The following PTPRM variants were observed in gnomAD, a reference collection of about 807,000 sequenced individuals.
PTPRM encodes receptor-type tyrosine-protein phosphatase mu.
A neutral mutation model predicts 186.7 loss-of-function variants in PTPRM; 47 were observed. The ratio of observed to expected loss-of-function variants is 0.25; its 90% CI spans 0.20 to 0.32. PTPRM has a LOEUF of 0.32. Among genes scored for constraint, PTPRM ranks in the 10% least tolerant of loss-of-function variants. PTPRM has a pLI of 1.00. For missense variants in PTPRM, 1,494 were observed against 1,865.0 expected (o/e 0.80, Z 3.66); for synonymous variants, 668 against 674.9 (o/e 0.99, Z 0.16).
At chr18:8,099,395 C>G (rs1410897777) in intron 11 of PTPRM, among the ~76,000 whole-genome samples, 3 of 152,186 alleles carry the variant, frequency 2.0e-5, no homozygotes, top group Non-Finnish European at 4.4e-5. Flanking sequence ...AATCCTGGTT[C>G]TATGCCAGAC....
At chr18:7,738,515 A>G (rs1271640409) in intron 1 of PTPRM, among the ~76,000 whole-genome samples, 1 of 151,696 alleles carries the variant, frequency 6.6e-6, no homozygotes, top group Admixed American at 6.6e-5. Context: ...AGCTCACTGC[A>G]AGCTCCGCCT....
chr18:7,927,198 A>G (rs149494706), intron 5 of PTPRM, among the ~76,000 whole-genome samples: 8 of 152,292 alleles, frequency 5.3e-5, no homozygotes, highest in African/African-American at 1.9e-4. Flanking sequence ...GTAATTATTC[A>G]AATTCCACCA....
At chr18:7,955,087 C>A in intron 6 of PTPRM, 34 bp from the exon 7 acceptor site, 1 of 1,548,250 alleles carries the variant, frequency 6.5e-7, no homozygotes, top group Non-Finnish European at 8.8e-7. Flanking sequence ...GAAGACAAAG[C>A]ATCTGAAAGA....
chr18:8,294,038 G>T (rs2155754), intron 19 of PTPRM, among the ~76,000 whole-genome samples: 2,563 of 152,230 alleles, frequency 0.017, 61 homozygotes, highest in African/African-American at 0.058. Flanking sequence ...ATCACTTGAG[G>T]TAAGGAGTTC....
chr18:7,777,204 A>G (rs1007261603), intron 2 of PTPRM, among the ~76,000 whole-genome samples: 3 of 152,202 alleles, frequency 2.0e-5, no homozygotes, highest in African/African-American at 7.2e-5. Flanking sequence ...TATTTGTCTT[A>G]TGTATATAGG....
chr18:7,592,892 G>T (rs2037164077), intron 1 of PTPRM, among the ~76,000 whole-genome samples: 1 of 152,094 alleles, frequency 6.6e-6, no homozygotes, highest in African/African-American at 2.4e-5. Context: ...TTCCACAGCG[G>T]GCTGAAGGGA....
At chr18:8,067,229 C>T (rs1328390500) in intron 7 of PTPRM, among the ~76,000 whole-genome samples, 6 of 152,042 alleles carry the variant, frequency 3.9e-5, no homozygotes, top group Non-Finnish European at 8.8e-5. Flanking sequence ...GGCAAAGGGA[C>T]ACATGTTGAT....
intron 1 of PTPRM, among the ~76,000 whole-genome samples, chr18:7,605,541 T>A (rs755602732): frequency 5.9e-5 from 9 of 152,126 alleles, no homozygotes; most frequent in Non-Finnish European, 1.3e-4. Flanking sequence ...GGAGGCAAGG[T>A]GAAAATGAGC....
chr18:8,376,702 C>G, intron 26 of PTPRM, 105 bp downstream of exon 26: 1 of 1,336,780 alleles, frequency 7.5e-7, no homozygotes, highest in East Asian at 2.4e-5. Context: ...ATTATCTGTT[C>G]AAGTGATCTA....
At chr18:7,913,244 C>T (rs2050378431) in intron 4 of PTPRM, among the ~76,000 whole-genome samples, 1 of 77,748 alleles carries the variant, frequency 1.3e-5, no homozygotes, top group South Asian at 5.1e-4. Flanking sequence ...TTTGGTGGAT[C>T]CATAGGATTT....
At chr18:8,261,315 A>G (rs1049393062) in intron 19 of PTPRM, among the ~76,000 whole-genome samples, 3 of 152,188 alleles carry the variant, frequency 2.0e-5, no homozygotes, top group African/African-American at 4.8e-5. Context: ...TGTGTCTCCA[A>G]TGGCTGAAGC....
intron 22 of PTPRM, among the ~76,000 whole-genome samples, chr18:8,334,142 C>T (rs1045149283): frequency 1.3e-5 from 2 of 152,218 alleles, no homozygotes; most frequent in African/African-American, 4.8e-5. Flanking sequence ...CATCCAGCAC[C>T]TGCCTGGCAG....
At chr18:7,911,010 C>T (rs2050236166) in intron 4 of PTPRM, among the ~76,000 whole-genome samples, 1 of 152,212 alleles carries the variant, frequency 6.6e-6, no homozygotes, top group Admixed American at 6.5e-5. Flanking sequence ...TCTCCATATT[C>T]ATTTAAATGC....
At chr18:8,054,651 G>T (rs533209155) in intron 7 of PTPRM, among the ~76,000 whole-genome samples, 5 of 152,048 alleles carry the variant, frequency 3.3e-5, no homozygotes, top group African/African-American at 1.2e-4. Flanking sequence ...TGCTCTTGTT[G>T]TCGGCAGTCT....
chr18:8,274,321 A>G (rs1302307836), intron 19 of PTPRM, among the ~76,000 whole-genome samples: 1 of 152,202 alleles, frequency 6.6e-6, no homozygotes, highest in Non-Finnish European at 1.5e-5. Flanking sequence ...AAATTTTTAA[A>G]TTTATGTGTT....
chr18:7,747,847 G>A (rs1598487978), intron 1 of PTPRM, among the ~76,000 whole-genome samples: 1 of 152,332 alleles, frequency 6.6e-6, no homozygotes, highest in South Asian at 2.1e-4. Flanking sequence ...CTGGGGGGAT[G>A]AAATGAGGAC....
At chr18:8,151,259 C>G (rs1420886905) in intron 14 of PTPRM, among the ~76,000 whole-genome samples, 1 of 151,652 alleles carries the variant, frequency 6.6e-6, no homozygotes, top group Admixed American at 6.6e-5. Context: ...TGCTTCGTCC[C>G]AGGGAGGTGG....
chr18:8,098,490 C>G (rs2091120965), intron 11 of PTPRM, among the ~76,000 whole-genome samples: 1 of 152,024 alleles, frequency 6.6e-6, no homozygotes. Context: ...TGGGACATAC[C>G]AGGAACAAGT....
chr18:8,390,235 G>A (rs1467447049), intron 31 of PTPRM, among the ~76,000 whole-genome samples: 1 of 152,218 alleles, frequency 6.6e-6, no homozygotes, highest in African/African-American at 2.4e-5. Context: ...GGGGAAGACT[G>A]CCTGGACACG....
Sources: allele counts gnomAD v4.1 joint callset (sites outside exome capture counted in the v4.1 genomes callset), GRCh38; gene constraint gnomAD v4.1.1; transcripts MANE v1.5; gene names NCBI Gene and HGNC (gene_info 2026-07-23, HGNC 2026-07-21).